ATP10A: variants seen among roughly 807,000 people sequenced by gnomAD.
ATP10A encodes the protein phospholipid-transporting ATPase VA.
Under a neutral mutation model 147.8 loss-of-function variants are expected in ATP10A, and 111 were observed. That is an observed-to-expected ratio of 0.75 (90% confidence interval 0.64 to 0.88). The LOEUF (loss-of-function observed/expected upper bound fraction) is 0.88. ATP10A is among the 40% of genes least tolerant of loss of function. ATP10A has a pLI of 0.00. For synonymous variants in ATP10A, 875 were observed against 841.6 expected, an observed-to-expected ratio of 1.04 and a Z score of -0.69; for missense variants, 1,927 against 1,959.0, an observed-to-expected ratio of 0.98 and a Z score of 0.31.
chr15:25,694,781 A>G (rs1438526704), intron 14 of ATP10A, 38 bp downstream of exon 14: 1 of 1,556,158 alleles, frequency 6.4e-7, no homozygotes, highest in South Asian at 1.2e-5. Context: ...GTTTGGGTCC[A>G]GCTGGGAGGA....
intron 1 of ATP10A, among the ~76,000 whole-genome samples, chr15:25,837,904 T>C (rs554514609): frequency 1.3e-5 from 2 of 152,092 alleles, no homozygotes; most frequent in Non-Finnish European, 2.9e-5. Flanking sequence ...ACAGTGCTCT[T>C]GGAAGGAAGG....
intron 2 of ATP10A, among the ~76,000 whole-genome samples, chr15:25,770,349 C>T (rs974663618): frequency 3.9e-5 from 6 of 152,202 alleles, no homozygotes; most frequent in Non-Finnish European, 5.9e-5. Context: ...AGGGGCTTCA[C>T]GGCCAGGCCC....
At chr15:25,685,643 C>A (rs1395927613) in intron 16 of ATP10A, among the ~76,000 whole-genome samples, 1 of 151,952 alleles carries the variant, frequency 6.6e-6, no homozygotes, top group East Asian at 1.9e-4. Flanking sequence ...CCAGCCTGGG[C>A]AACATAGCGA....
intron 1 of ATP10A, among the ~76,000 whole-genome samples, chr15:25,823,612 C>T (rs981809187): frequency 5.3e-5 from 8 of 152,156 alleles, no homozygotes; most frequent in East Asian, 1.9e-4. Flanking sequence ...AAGGAAGTTA[C>T]GGTACAATTT....
At chr15:25,694,083 G>GTGC (rs889789965) in intron 14 of ATP10A, among the ~76,000 whole-genome samples, 8 of 151,920 alleles carry the variant, frequency 5.3e-5, no homozygotes, top group Non-Finnish European at 1.0e-4. Context: ...CCAGGAGGTG[G>GTGC]TGCTGCTGAG....
At position 25,726,027 on chromosome 15, in the gene ATP10A, C is replaced by T. The variant is rs1481522020; in HGVS notation, c.903G>A (p.Lys301=). Residue 301 remains lysine (K), a synonymous_variant, in exon 5 of 21, where the codon AAG becomes AAA. Coordinates refer to ENST00000555815, the MANE Select transcript of ATP10A (RefSeq NM_024490.4). The part of the protein sequence containing the change: ...NNSGPRYKRS[K]LERQMNCDVL... ...CGTCGCAGTTCATCTGCCTCTCCAG[C>T]TTGCTGCGCTTGTAGCGGGGCCCAC... 5.6e-6 allele frequency: 9 copies of T among 1,614,172 alleles called. No homozygotes were observed. The highest frequency in any genetic ancestry group is 6.8e-6 in the Non-Finnish European group (8 of 1,180,018).
chr15:25,679,581 G>A lies in ATP10A; in HGVS notation c.4260C>T (p.Thr1420=), dbSNP rs375852660. The part of the protein sequence containing the change: ...PEESKVRAAS[T]GRVTPLSSLF... ...GGGAAGACAGGGGGGTCACCCTGCCGGTGCTGGCAGCTCTCACCTTGGACT... is the reference window on the plus strand; with the variant it reads ...GGGAAGACAGGGGGGTCACCCTGCCAGTGCTGGCAGCTCTCACCTTGGACT... The change falls in exon 21 of 21, where the codon ACC becomes ACT. Residue 1420 remains threonine (T), a synonymous_variant. Transcript: ENST00000555815. 182 of 1,610,446 alleles carry A rather than the reference G, an allele frequency of 1.1e-4. No individual in the cohort carries two copies. In the South Asian group the frequency reaches 1.7e-3, roughly 15 times the overall value.
intron 1 of ATP10A, among the ~76,000 whole-genome samples, chr15:25,786,615 A>ATT (rs1890170247): frequency 9.2e-5 from 9 of 98,092 alleles, no homozygotes; most frequent in Non-Finnish European, 1.5e-4. Context: ...CATCATTATC[A>ATT]TCTTTTTTTT....
chr15:25,685,578 T>C (rs2140292794), intron 16 of ATP10A, among the ~76,000 whole-genome samples: 1 of 152,282 alleles, frequency 6.6e-6, no homozygotes, highest in Middle Eastern at 3.4e-3. Flanking sequence ...ATGCCTATAA[T>C]ACCACACTTT....
chr15:25,804,355 C>T (rs1891082540), intron 1 of ATP10A, among the ~76,000 whole-genome samples: 1 of 149,050 alleles, frequency 6.7e-6, no homozygotes, highest in South Asian at 2.1e-4. Context: ...TGATGTGACG[C>T]TGTGTTTGTG....
chr15:25,863,129 G>T lies in ATP10A; in HGVS notation c.-33C>A. ...TGTCGCCGCGCCCGGCTCCTCCGCCGCTCACGCCCGCCCGCGCCGGCCTCT... is the reference window on the plus strand; with the variant it reads ...TGTCGCCGCGCCCGGCTCCTCCGCCTCTCACGCCCGCCCGCGCCGGCCTCT... On this transcript the variant is annotated 5_prime_UTR_variant, in exon 1 of 21. Transcript: ENST00000555815. 1 of 1,129,440 alleles carries T rather than the reference G, an allele frequency of 8.9e-7. No individual in the cohort carries two copies. Among genetic ancestry groups the T allele is most frequent in the Non-Finnish European group, 1.1e-6 (1 of 922,470 alleles). 70.0% of individuals were successfully genotyped at this position (1,129,440 alleles called of 1,614,324 possible).
At chr15:25,742,042 A>G (rs1432451827) in intron 2 of ATP10A, among the ~76,000 whole-genome samples, 5 of 152,270 alleles carry the variant, frequency 3.3e-5, no homozygotes, top group Non-Finnish European at 7.3e-5. Context: ...AATGTAATCT[A>G]TAATAGCGGC....
Position 25,743,755 on chromosome 15 carries a change from T to C in ATP10A, c.655-7614A>G, listed in dbSNP as rs559528983. On this transcript the variant is annotated intron_variant, in intron 2 of 20. Transcript: ENST00000555815. The stretch of plus-strand genomic sequence containing the variant: ...CAGTCAAGGAGTTGGCAGGGCTGTG[T>C]TCCTTTTGGAGGCTCTAGAAGAGAA... Among the ~76,000 whole-genome samples the C allele has an allele frequency of 4.6e-5, 7 of 152,342 alleles. No individual in the cohort carries two copies. In the South Asian group the frequency reaches 1.2e-3, roughly 27 times the overall value.
At chr15:25,816,073 AT>A (rs1891642519) in intron 1 of ATP10A, among the ~76,000 whole-genome samples, 1 of 151,164 alleles carries the variant, frequency 6.6e-6, no homozygotes, top group South Asian at 2.1e-4. Context: ...AATTAAGAAT[AT>A]TTTTTAAAGT....
intron 12 of ATP10A, among the ~76,000 whole-genome samples, chr15:25,702,973 A>G (rs1461132215): frequency 1.3e-5 from 2 of 152,074 alleles, no homozygotes; most frequent in African/African-American, 4.8e-5. Flanking sequence ...CCAGTGTGGT[A>G]GTATTAGGAT....
chr15:25,781,034 GCGGACCA>G lies in ATP10A; in HGVS notation c.632_638del (p.Val211AlafsTer13). 5 of 1,613,980 alleles carry G rather than the reference GCGGACCA, an allele frequency of 3.1e-6. No homozygotes were observed. The highest frequency in any genetic ancestry group is 4.2e-6 in the Non-Finnish European group (5 of 1,180,024). ...GGTCACTTACAAGCTCCGAGAAGCC[GCGGACCA>G]CCTGCCGCCGCTTCAGGTTGGTCTC... On this transcript the variant is annotated frameshift_variant, in exon 2 of 21. Transcript: ENST00000555815. LOFTEE classifies it high-confidence loss of function.
At chr15:25,783,486 T>C (rs34281150) in intron 1 of ATP10A, among the ~76,000 whole-genome samples, 4,857 of 104,816 alleles carry the variant, frequency 0.046, 110 homozygotes, top group Non-Finnish European at 0.063. Context: ...GACCCCCCCC[T>C]GGCAAAGTTC....
At chr15:25,852,037 G>A (rs866387205) in intron 1 of ATP10A, among the ~76,000 whole-genome samples, 9 of 152,178 alleles carry the variant, frequency 5.9e-5, no homozygotes, top group South Asian at 2.1e-4. Flanking sequence ...TTACCTGCCT[G>A]CCTGCCTGGC....
chr15:25,680,158 T>C lies in ATP10A; in HGVS notation c.3829A>G (p.Thr1277Ala), dbSNP rs766358448. The C allele has an allele frequency of 1.2e-6, 2 of 1,613,858 alleles. No homozygotes were observed. The highest frequency in any genetic ancestry group is 2.7e-5 in the African/African-American group (2 of 74,870). The part of the protein sequence containing the change: ...ALLGDPVFYL[T>A]CLMTPVAALL... ...GCAGCGACAGGCGTCATCAGGCAAG[T>C]CAAGTAAAACACTGGGTCACCCAGT... The change falls in exon 20 of 21, where the codon ACT becomes GCT. Residue 1277 changes from threonine to alanine, a missense_variant. Coordinates refer to ENST00000555815, the MANE Select transcript of ATP10A (RefSeq NM_024490.4).
Sources: allele counts gnomAD v4.1 joint callset (sites outside exome capture counted in the v4.1 genomes callset), GRCh38; gene constraint gnomAD v4.1.1; transcripts MANE v1.5; gene names NCBI Gene and HGNC (gene_info 2026-07-23, HGNC 2026-07-21).